The following LIN54 variants were observed in gnomAD, a reference collection of about 807,000 sequenced individuals.
LIN54 encodes the protein lin-54 DREAM MuvB core complex component.
LIN54 carries 9 observed loss-of-function variants against 78.7 expected under a neutral mutation model. That is an observed-to-expected ratio of 0.11 (90% confidence interval 0.07 to 0.20). The LOEUF is 0.20. Among genes scored for constraint, LIN54 ranks in the 10% least tolerant of loss-of-function variants. LIN54 has a pLI of 1.00. For missense variants in LIN54, 573 were observed against 889.9 expected, an observed-to-expected ratio of 0.64 and a Z score of 4.53; for synonymous variants, 269 against 318.4, an observed-to-expected ratio of 0.84 and a Z score of 1.65.
intron 12 of LIN54, among the ~76,000 whole-genome samples, chr4:82,928,799 C>G (rs1020130131): frequency 1.2e-4 from 18 of 152,224 alleles, no homozygotes; most frequent in African/African-American, 4.3e-4. Context: ...TTACCATAGT[C>G]ACTGATACTG....
rs1721573862 is a variant in LIN54, at chr4:82,927,493, TG to T, written c.*608del. 6.6e-6 allele frequency: 1 copy of T among 152,226 alleles called. No homozygotes were observed. Among genetic ancestry groups the T allele is most frequent in the Non-Finnish European group, 1.5e-5 (1 of 68,042 alleles). 9.4% of individuals were successfully genotyped at this position (152,226 alleles called of 1,614,324 possible). A position where few individuals can be genotyped will look rare whatever the true frequency, so the allele number is the denominator to read the frequency against. On this transcript the variant is annotated 3_prime_UTR_variant, in exon 13 of 13. Transcript: ENST00000340417. Reference sequence around the variant, plus strand: ...ATTTACTGTCCTTTAATATTTTATATGTTTTTTTAAATAACTTTAAAAAATT... The same window carrying T: ...ATTTACTGTCCTTTAATATTTTATATTTTTTTTAAATAACTTTAAAAAATT...
intron 4 of LIN54, 115 bp from the exon 5 acceptor site, chr4:82,946,589 G>T: frequency 1.3e-6 from 1 of 783,964 alleles, no homozygotes; most frequent in Non-Finnish European, 2.1e-6. Flanking sequence ...ATCAAAAGCT[G>T]CTGAAAGGAA....
chr4:82,974,088 T>A (rs1395118134), intron 3 of LIN54, among the ~76,000 whole-genome samples: 1 of 152,002 alleles, frequency 6.6e-6, no homozygotes, highest in African/African-American at 2.4e-5. Context: ...CAGGCACCTG[T>A]AGTCCCAGCT....
chr4:82,999,081 C>G (rs1728511556), intron 1 of LIN54, among the ~76,000 whole-genome samples: 1 of 152,172 alleles, frequency 6.6e-6, no homozygotes, highest in Non-Finnish European at 1.5e-5. Flanking sequence ...AGTGTTGCCA[C>G]TAATTGTCTG....
chr4:83,012,425 C>T (rs1166292776), upstream of LIN54, among the ~76,000 whole-genome samples: 1 of 152,140 alleles, frequency 6.6e-6, no homozygotes, highest in Non-Finnish European at 1.5e-5. Flanking sequence ...TCCCAGAAAC[C>T]TGGGGCCGCC....
intron 3 of LIN54, among the ~76,000 whole-genome samples, chr4:82,977,944 C>G (rs550086090): frequency 5.3e-5 from 8 of 152,204 alleles, no homozygotes; most frequent in Admixed American, 5.2e-4. Flanking sequence ...TTGGACTTAG[C>G]CAAGCCATTA....
intron 3 of LIN54, among the ~76,000 whole-genome samples, chr4:82,974,205 C>A (rs1409929004): frequency 1.3e-5 from 2 of 150,428 alleles, no homozygotes; most frequent in African/African-American, 4.9e-5. Context: ...GCAAAACTCC[C>A]TCTCAAAAAA....
chr4:82,994,521 C>G (rs1206413222), intron 1 of LIN54, among the ~76,000 whole-genome samples: 1 of 152,082 alleles, frequency 6.6e-6, no homozygotes, highest in African/African-American at 2.4e-5. Context: ...CCTCAGCCTC[C>G]CAAGTAGCTG....
intron 5 of LIN54, among the ~76,000 whole-genome samples, chr4:82,945,139 G>A (rs1723256483): frequency 6.6e-6 from 1 of 152,132 alleles, no homozygotes; most frequent in African/African-American, 2.4e-5. Flanking sequence ...ACAGGAGTGA[G>A]CCACAGCGCC....
At chr4:82,961,770 T>C (rs1439997886) in intron 4 of LIN54, among the ~76,000 whole-genome samples, 1 of 152,104 alleles carries the variant, frequency 6.6e-6, no homozygotes, top group African/African-American at 2.4e-5. Flanking sequence ...CTGGTCAACA[T>C]GGTGATACCC....
chr4:82,984,928 G>C, intron 1 of LIN54, 52 bp from the exon 2 acceptor site: 1 of 1,320,274 alleles, frequency 7.6e-7, no homozygotes, highest in Non-Finnish European at 1.0e-6. Flanking sequence ...AAAGATGTAA[G>C]AAAAAAATTC....
chr4:82,940,279 T>C lies in LIN54; in HGVS notation c.1169-317A>G, dbSNP rs191221615. The stretch of plus-strand genomic sequence containing the variant: ...ACATTCAGTACTAAATCCAGTCAAA[T>C]GAAATGTATAAATAAAAGAACTGTC... On this transcript the variant is annotated intron_variant, in intron 5 of 12. Coordinates refer to ENST00000340417, the MANE Select transcript of LIN54 (RefSeq NM_194282.4). Among the ~76,000 whole-genome samples the C allele has an allele frequency of 7.2e-5, 11 of 152,344 alleles. No individual in the cohort carries two copies. The East Asian group carries it at 2.1e-3, about 29-fold the overall frequency.
At chr4:82,968,289 G>A (rs537764316) in intron 4 of LIN54, among the ~76,000 whole-genome samples, 14 of 152,120 alleles carry the variant, frequency 9.2e-5, no homozygotes, top group African/African-American at 2.6e-4. Context: ...TGTTCTTATA[G>A]TTAAGTGTAA....
intron 1 of LIN54, among the ~76,000 whole-genome samples, chr4:82,991,778 AATTAT>A (rs946205334): frequency 6.6e-6 from 1 of 152,058 alleles, no homozygotes; most frequent in African/African-American, 2.4e-5. Context: ...TTAATCTGTG[AATTAT>A]ATTAATTTTT....
In LIN54 at chr4:83,010,300, G is replaced by A. The variant is rs1210502401; in HGVS notation, c.-33+184C>T. Among the ~76,000 whole-genome samples the A allele has an allele frequency of 6.6e-5, 10 of 152,284 alleles. No individual in the cohort carries two copies. The East Asian group carries it at 1.7e-3, about 26-fold the overall frequency. On this transcript the variant is annotated intron_variant, in intron 1 of 12. Coordinates refer to ENST00000340417, the MANE Select transcript of LIN54 (RefSeq NM_194282.4). ...CTCAGCAGCAGCCTTAGGTATAAGA[G>A]CAAACTGGAGCCCTCTTAACACTCA...
At chr4:82,937,462 A>G (rs1722481390) in intron 8 of LIN54, among the ~76,000 whole-genome samples, 164 bp from the exon 9 acceptor site, 1 of 152,208 alleles carries the variant, frequency 6.6e-6, no homozygotes, top group Non-Finnish European at 1.5e-5. Context: ...GCTTTAACCA[A>G]TGTTAAATGT....
At chr4:82,995,455 T>C (rs1316539059) in intron 1 of LIN54, among the ~76,000 whole-genome samples, 1 of 148,374 alleles carries the variant, frequency 6.7e-6, no homozygotes, top group Non-Finnish European at 1.5e-5. Context: ...GAACAGAATA[T>C]AGATGACTGT....
At position 83,004,354 on chromosome 4, in the gene LIN54, G is replaced by A. The variant is rs957633404; in HGVS notation, c.-33+6130C>T. On this transcript the variant is annotated intron_variant, in intron 1 of 12. Transcript: ENST00000340417. ...GCGGAGGTTGCAGTGAGCCAAGATC[G>A]CGCCACTGTACTCCAGCCTGGGTGA... 1.1e-4 allele frequency among the ~76,000 whole-genome samples: 16 copies of A among 143,164 alleles called. No individual in the cohort carries two copies. The Middle Eastern group carries it at 0.012, about 104-fold the overall frequency. The allele number at this position is 143,164 out of a possible 152,430, so 93.9% of individuals were successfully genotyped here. A position where few individuals can be genotyped will look rare whatever the true frequency, so the allele number is the denominator to read the frequency against.
intron 2 of LIN54, 142 bp downstream of exon 2, chr4:82,984,017 AAC>A (rs1334252814): frequency 2.7e-4 from 168 of 628,952 alleles, no homozygotes; most frequent in South Asian, 4.0e-4. Flanking sequence ...CAAACTTAAA[AAC>A]ACACACACAC....
Sources: gnomAD v4.1 joint callset for allele counts (sites outside exome capture counted in the v4.1 genomes callset) on GRCh38, gnomAD v4.1.1 for gene constraint, MANE v1.5 for transcripts, NCBI Gene and HGNC (gene_info 2026-07-23, HGNC 2026-07-21) for gene names.